NIBAN1: variants seen among roughly 807,000 people sequenced by gnomAD.
NIBAN1 encodes protein Niban 1.
In NIBAN1, 81 loss-of-function variants were observed where a neutral mutation model predicts 75.1. The ratio of observed to expected loss-of-function variants is 1.08; its 90% confidence interval spans 0.90 to 1.30. The LOEUF (loss-of-function observed/expected upper bound fraction) is 1.30, where lower values mean the gene tolerates loss of function less well. NIBAN1 is among the 50% of genes most tolerant of loss of function. NIBAN1 has a pLI of 0.00. For synonymous variants in NIBAN1, 436 were observed against 424.8 expected (o/e 1.03, Z -0.32); for missense variants, 1,133 against 1,128.1 (o/e 1.00, Z -0.06).
chr1:184,871,193 A>G (rs752940936), intron 5 of NIBAN1, among the ~76,000 whole-genome samples: 1 of 151,958 alleles, frequency 6.6e-6, no homozygotes, highest in Admixed American at 6.6e-5. Context: ...CTAAAAATAC[A>G]AAAATTAGCC....
intron 5 of NIBAN1, among the ~76,000 whole-genome samples, chr1:184,833,241 C>T (rs547556338): frequency 1.3e-5 from 2 of 150,296 alleles, no homozygotes; most frequent in East Asian, 3.9e-4. Flanking sequence ...TCAAAGGTAA[C>T]AATCAATTAA....
At chr1:184,836,540 T>G (rs1655151452) in intron 5 of NIBAN1, among the ~76,000 whole-genome samples, 1 of 152,198 alleles carries the variant, frequency 6.6e-6, no homozygotes, top group Admixed American at 6.5e-5. Context: ...TTCAAAGATC[T>G]TTGGAAAAAG....
At chr1:184,889,164 C>T (rs527446014) in intron 4 of NIBAN1, among the ~76,000 whole-genome samples, 6 of 152,234 alleles carry the variant, frequency 3.9e-5, no homozygotes, top group African/African-American at 1.4e-4. Flanking sequence ...CTATGAATTG[C>T]CTTATTTAGT....
At chr1:184,910,720 T>C (rs994196993) in intron 1 of NIBAN1, among the ~76,000 whole-genome samples, 3 of 152,170 alleles carry the variant, frequency 2.0e-5, no homozygotes, top group Non-Finnish European at 4.4e-5. Context: ...ATGCTGAGTG[T>C]GTTGGTGAGG....
intron 1 of NIBAN1, among the ~76,000 whole-genome samples, chr1:184,972,300 G>C (rs1331396272): frequency 1.3e-5 from 2 of 152,136 alleles, no homozygotes. Context: ...CAAAGCTTGA[G>C]AATATTTATA....
chr1:184,842,621 CG>C (rs1189214204), intron 5 of NIBAN1, among the ~76,000 whole-genome samples: 4 of 152,084 alleles, frequency 2.6e-5, no homozygotes, highest in Non-Finnish European at 5.9e-5. Context: ...GGCGTGGTGG[CG>C]GGCGCCTGTA....
chr1:184,903,768 A>G lies in NIBAN1; in HGVS notation c.56-4459T>C, dbSNP rs527585317. Among the ~76,000 whole-genome samples, 5 of 133,976 alleles carry G rather than the reference A, an allele frequency of 3.7e-5. No homozygotes were observed. In the South Asian group the frequency reaches 9.6e-4, roughly 26 times the overall value. 87.9% of individuals were successfully genotyped at this position (133,976 alleles called of 152,430 possible). A position where few individuals can be genotyped will look rare whatever the true frequency, so the allele number is the denominator to read the frequency against. On this transcript the variant is annotated intron_variant, in intron 1 of 13. Coordinates refer to ENST00000367511, the MANE Select transcript of NIBAN1 (RefSeq NM_052966.4). Reference sequence around the variant, plus strand: ...TTTTTTTTTTTTTGAGATAGTCTCAATCTGTCACCCAGGCTTGGAGTGCAG... The same window carrying G: ...TTTTTTTTTTTTTGAGATAGTCTCAGTCTGTCACCCAGGCTTGGAGTGCAG...
At chr1:184,947,458 A>G (rs536077867) in intron 1 of NIBAN1, among the ~76,000 whole-genome samples, 41 of 152,346 alleles carry the variant, frequency 2.7e-4, no homozygotes, top group African/African-American at 9.1e-4. Flanking sequence ...TTTTGGGAGT[A>G]GATAGTGGTG....
At chr1:184,906,145 G>A (rs369297930) in intron 1 of NIBAN1, among the ~76,000 whole-genome samples, 1 of 151,890 alleles carries the variant, frequency 6.6e-6, no homozygotes, top group East Asian at 1.9e-4. Context: ...GCAGTGGTGG[G>A]GGTGGGGTGA....
At chr1:184,803,508 A>G in intron 12 of NIBAN1, 77 bp downstream of exon 12, 1 of 1,126,974 alleles carries the variant, frequency 8.9e-7, no homozygotes, top group Non-Finnish European at 1.3e-6. Context: ...GCTGTTTGCC[A>G]GTACACATCA....
intron 1 of NIBAN1, among the ~76,000 whole-genome samples, chr1:184,950,455 AG>A (rs2102063105): frequency 6.6e-6 from 1 of 152,312 alleles, no homozygotes; most frequent in South Asian, 2.1e-4. Context: ...ATATGTAACA[AG>A]GGCCATTAAG....
chr1:184,921,890 A>C (rs1346274638), intron 1 of NIBAN1, among the ~76,000 whole-genome samples: 2 of 152,236 alleles, frequency 1.3e-5, no homozygotes, highest in African/African-American at 4.8e-5. Flanking sequence ...TTAAAGAAGC[A>C]GTAATTGTAT....
At chr1:184,901,565 C>T (rs1357486758) in intron 1 of NIBAN1, among the ~76,000 whole-genome samples, 3 of 152,148 alleles carry the variant, frequency 2.0e-5, no homozygotes, top group African/African-American at 2.4e-5. Context: ...ACAAAATTTG[C>T]CCTTTAGGTC....
At chr1:184,809,982 T>C (rs139405037) in intron 9 of NIBAN1, among the ~76,000 whole-genome samples, 49 of 152,066 alleles carry the variant, frequency 3.2e-4, no homozygotes, top group Middle Eastern at 3.4e-3. Flanking sequence ...ATGGGGAAAA[T>C]ACAGAATGGC....
intron 4 of NIBAN1, among the ~76,000 whole-genome samples, chr1:184,886,328 C>T (rs546694479): frequency 8.5e-5 from 13 of 152,278 alleles, no homozygotes; most frequent in African/African-American, 1.4e-4. Flanking sequence ...TGTTCCCCTC[C>T]GCAAGGAGCA....
rs142685625 is a variant in NIBAN1 at position 184,802,319 on chromosome 1, G to A, written c.1554+1266C>T. Reference sequence around the variant, plus strand: ...GTTGATGCTTGGAAAGAGGGGAGCCGATGAGAAGGAGAACTCTCCTTACCT... The same window carrying A: ...GTTGATGCTTGGAAAGAGGGGAGCCAATGAGAAGGAGAACTCTCCTTACCT... On this transcript the variant is annotated intron_variant, in intron 12 of 13. Transcript: ENST00000367511. Among the ~76,000 whole-genome samples, 451 of 152,194 alleles carry A rather than the reference G, an allele frequency of 3.0e-3. 2 individuals are homozygous for A. The highest frequency in any genetic ancestry group is 9.4e-3 in the African/African-American group (390 of 41,518).
chr1:184,812,228 G>A (rs1048959611), intron 9 of NIBAN1, among the ~76,000 whole-genome samples: 3 of 152,166 alleles, frequency 2.0e-5, no homozygotes, highest in Non-Finnish European at 2.9e-5. Flanking sequence ...ACTCCTAGTC[G>A]GAGGTTTGAT....
chr1:184,885,590 C>T (rs112635500), intron 4 of NIBAN1, among the ~76,000 whole-genome samples: 8,776 of 152,242 alleles, frequency 0.058, 300 homozygotes, highest in Middle Eastern at 0.085. Context: ...CTCTACTGGC[C>T]CTGCAGGCTC....
rs917888393 is a variant in NIBAN1, at chr1:184,893,514, GA to G, written c.318+560del. Among the ~76,000 whole-genome samples the G allele has an allele frequency of 6.7e-5, 10 of 150,324 alleles. No homozygotes were observed. In the East Asian group the frequency reaches 7.8e-4, roughly 12 times the overall value. ...TGAAATAACCAGAAAAAAGTTAAAT[GA>G]AAAAAAAATACCTCCATGGAAATAA... On this transcript the variant is annotated intron_variant, in intron 3 of 13. Coordinates refer to ENST00000367511, the MANE Select transcript of NIBAN1 (RefSeq NM_052966.4).
Sources: gnomAD v4.1 joint callset for allele counts (sites outside exome capture counted in the v4.1 genomes callset) on GRCh38, gnomAD v4.1.1 for gene constraint, MANE v1.5 for transcripts, NCBI Gene and HGNC (gene_info 2026-07-23, HGNC 2026-07-21) for gene names.